Variants in LRFN5 observed in about 807,000 individuals in gnomAD.
The protein encoded by LRFN5 is leucine-rich repeat and fibronectin type-III domain-containing protein 5.
A neutral mutation model predicts 45.6 loss-of-function variants in LRFN5; 24 were observed. The ratio of observed to expected loss-of-function variants is 0.53; its 90% CI spans 0.38 to 0.74. The LOEUF (loss-of-function observed/expected upper bound fraction) is 0.74. Ranked by LOEUF, LRFN5 falls within the 30% of genes least tolerant of loss-of-function variation. The probability of loss-of-function intolerance (pLI) is 0.00; values close to 1 mark genes in which losing one functional copy is unlikely to be tolerated. For synonymous variants in LRFN5, 340 were observed against 313.8 expected (o/e 1.08, Z -0.88); for missense variants, 776 against 861.5 (o/e 0.90, Z 1.24).
intron 1 of LRFN5, among the ~76,000 whole-genome samples, chr14:41,678,110 C>A (rs1237330906): frequency 6.6e-6 from 1 of 151,940 alleles, no homozygotes; most frequent in Non-Finnish European, 1.5e-5. Context: ...AAAGCTATAT[C>A]ATGCAAACAA....
chr14:41,818,697 A>T (rs375359499), intron 2 of LRFN5, among the ~76,000 whole-genome samples: 1 of 152,046 alleles, frequency 6.6e-6, no homozygotes, highest in Non-Finnish European at 1.5e-5. Flanking sequence ...TATCTCTCCA[A>T]ATATTTTTGT....
chr14:41,713,999 A>C (rs1883386698), intron 1 of LRFN5, among the ~76,000 whole-genome samples: 1 of 152,178 alleles, frequency 6.6e-6, no homozygotes, highest in Non-Finnish European at 1.5e-5. Context: ...ATGGAGTTGT[A>C]TTTTAAAAGG....
intron 2 of LRFN5, among the ~76,000 whole-genome samples, chr14:41,869,367 A>G (rs983422567): frequency 9.9e-5 from 15 of 151,944 alleles, no homozygotes; most frequent in Admixed American, 7.9e-4. Context: ...GTTTACCTCT[A>G]TGGCATCTTA....
At chr14:41,706,159 G>A (rs1044526884) in intron 1 of LRFN5, among the ~76,000 whole-genome samples, 2 of 151,600 alleles carry the variant, frequency 1.3e-5, no homozygotes, top group Non-Finnish European at 2.9e-5. Flanking sequence ...GGAGTGCAAT[G>A]GTGCGATCTT....
chr14:41,904,378 A>T lies in LRFN5; in HGVS notation c.*203A>T, dbSNP rs1034725063. ...ATGGTTCATCCTCTTTTAAAACCAA[A>T]TTTTTTTTTCTTCTGGCCTACAAGT... On this transcript the variant is annotated 3_prime_UTR_variant, in exon 6 of 6. Transcript: ENST00000298119. The T allele has an allele frequency of 1.5e-4, 77 of 498,178 alleles. No homozygotes were observed. The Admixed American group carries it at 1.9e-3, about 12-fold the overall frequency. 30.9% of individuals were successfully genotyped at this position (498,178 alleles called of 1,614,324 possible). A position where few individuals can be genotyped will look rare whatever the true frequency, so the allele number is the denominator to read the frequency against.
chr14:41,728,948 C>T (rs567703591), intron 1 of LRFN5, among the ~76,000 whole-genome samples: 6 of 150,252 alleles, frequency 4.0e-5, no homozygotes, highest in South Asian at 2.1e-4. Flanking sequence ...TATTTAAAAA[C>T]GTCCCTTCAG....
rs571476824 is a variant in LRFN5, at chr14:41,633,331, TTTAA to T, written c.-197+24772_-197+24775del. Among the ~76,000 whole-genome samples the T allele has an allele frequency of 1.9e-3, 284 of 152,304 alleles. 3 individuals are homozygous for T. Among genetic ancestry groups the T allele is most frequent in the African/African-American group, 6.7e-3 (278 of 41,586 alleles). On this transcript the variant is annotated intron_variant, in intron 1 of 5. Transcript: ENST00000298119. ...TTCAGAATGTTAAAAAATTTCACTGTTTAATTCTTCAATTTTGTGACTTGATTTT... is the reference window on the plus strand; with the variant it reads ...TTCAGAATGTTAAAAAATTTCACTGTTTCTTCAATTTTGTGACTTGATTTT...
At chr14:41,818,064 T>C (rs1887981821) in intron 2 of LRFN5, among the ~76,000 whole-genome samples, 1 of 152,190 alleles carries the variant, frequency 6.6e-6, no homozygotes, top group Admixed American at 6.6e-5. Flanking sequence ...ATACTTTATT[T>C]TATTTCCTTT....
Position 41,674,895 on chromosome 14 carries a change from C to A in LRFN5, c.-197+66333C>A, listed in dbSNP as rs186302581. ...CTCCTCGCTTCTCAGACGGAACGGC[C>A]GGGCAGAGACGCTCCTCACCTCCCA... On this transcript the variant is annotated intron_variant, in intron 1 of 5. Transcript: ENST00000298119. 4.2e-3 allele frequency among the ~76,000 whole-genome samples: 635 copies of A among 151,460 alleles called. 3 individuals are homozygous for A. Among genetic ancestry groups the A allele is most frequent in the Non-Finnish European group, 7.4e-3 (504 of 67,860 alleles).
chr14:41,745,459 T>A (rs1884883461), intron 1 of LRFN5, among the ~76,000 whole-genome samples: 1 of 152,022 alleles, frequency 6.6e-6, no homozygotes, highest in South Asian at 2.1e-4. Context: ...AACCCAACTT[T>A]ACAATTTCTG....
At chr14:41,816,115 C>G (rs1887907758) in intron 2 of LRFN5, among the ~76,000 whole-genome samples, 1 of 151,774 alleles carries the variant, frequency 6.6e-6, no homozygotes, top group Non-Finnish European at 1.5e-5. Context: ...TCTCTTTTCC[C>G]TTCCTCCGTC....
Position 41,894,361 on chromosome 14 carries a change from A to G in LRFN5, c.2098+2399A>G, listed in dbSNP as rs187280565. On this transcript the variant is annotated intron_variant, in intron 4 of 5. Transcript: ENST00000298119. ...CATTTAAAATTCCATATTTAATCAT[A>G]TGAGATTTATTTTGTTTGACTAACA... The G allele has an allele frequency of 1.9e-3, 1,605 of 858,624 alleles. 1 individual carries two copies. The highest frequency in any genetic ancestry group is 9.5e-3 in the South Asian group (176 of 18,582). The allele number at this position is 858,624 out of a possible 1,614,324, so 53.2% of individuals were successfully genotyped here.
chr14:41,684,289 G>A (rs1270545470), intron 1 of LRFN5, among the ~76,000 whole-genome samples: 2 of 152,046 alleles, frequency 1.3e-5, no homozygotes, highest in Admixed American at 6.6e-5. Flanking sequence ...TTTTCACACC[G>A]CTATAAAGAG....
chr14:41,639,740 C>T (rs548338079), intron 1 of LRFN5, among the ~76,000 whole-genome samples: 24 of 151,898 alleles, frequency 1.6e-4, no homozygotes, highest in African/African-American at 4.8e-4. Flanking sequence ...TGATGGTATC[C>T]AGCACATTCT....
In LRFN5 at chr14:41,728,240, T is replaced by G. The variant is rs1349677862; in HGVS notation, c.-196-38614T>G. 2.0e-5 allele frequency among the ~76,000 whole-genome samples: 3 copies of G among 152,298 alleles called. No homozygotes were observed. The East Asian group carries it at 5.8e-4, about 29-fold the overall frequency. ...AAACAAATTTAGTTGGTGTTGCTTC[T>G]GTTTGAAGAAAACACAAATAAGGTA... is the stretch of plus-strand genomic sequence containing the variant. On this transcript the variant is annotated intron_variant, in intron 1 of 5. Transcript: ENST00000298119.
chr14:41,694,456 C>T (rs1166492914), intron 1 of LRFN5, among the ~76,000 whole-genome samples: 2 of 151,806 alleles, frequency 1.3e-5, no homozygotes, highest in African/African-American at 2.4e-5. Flanking sequence ...CTTTCTGTGC[C>T]TTCCTTATTT....
At chr14:41,714,785 G>A (rs2138754593) in intron 1 of LRFN5, among the ~76,000 whole-genome samples, 1 of 152,196 alleles carries the variant, frequency 6.6e-6, no homozygotes, top group Non-Finnish European at 1.5e-5. Context: ...CACACCTATA[G>A]TCCCAGCTAC....
Position 41,649,106 on chromosome 14 carries a change from C to T in LRFN5, c.-197+40544C>T, listed in dbSNP as rs1009961477. 1.3e-4 allele frequency among the ~76,000 whole-genome samples: 20 copies of T among 151,604 alleles called. No homozygotes were observed. The South Asian group carries it at 3.5e-3, about 27-fold the overall frequency. On this transcript the variant is annotated intron_variant, in intron 1 of 5. Coordinates refer to ENST00000298119, the MANE Select transcript of LRFN5 (RefSeq NM_152447.5). ...AAAATTAGTTGGGCGTTGTGGCGGG[C>T]GCCTGTCATCCCAGCTACTCGGAAG...
At chr14:41,877,684 TAAG>T (rs759867760) in intron 2 of LRFN5, among the ~76,000 whole-genome samples, 18 of 152,094 alleles carry the variant, frequency 1.2e-4, no homozygotes, top group Non-Finnish European at 2.2e-4. Context: ...GATACTATAT[TAAG>T]AACTCAGAAA....
Sources: gnomAD v4.1 joint callset for allele counts (sites outside exome capture counted in the v4.1 genomes callset) on GRCh38, gnomAD v4.1.1 for gene constraint, MANE v1.5 for transcripts, NCBI Gene and HGNC (gene_info 2026-07-23, HGNC 2026-07-21) for gene names.